Variants in PSMB7 observed in about 807,000 individuals in gnomAD.
The protein encoded by PSMB7 is proteasome 20S subunit beta 7.
In PSMB7, 5 loss-of-function variants were observed where a neutral mutation model predicts 28.1. The ratio of observed to expected loss-of-function variants is 0.18; its 90% confidence interval spans 0.09 to 0.37. The LOEUF is 0.37. Among genes scored for constraint, PSMB7 ranks in the 10% least tolerant of loss-of-function variants. The pLI is 1.00. For synonymous variants in PSMB7, 122 were observed against 123.7 expected (o/e 0.99, Z 0.09); for missense variants, 275 against 346.2 (o/e 0.79, Z 1.63).
chr9:124,401,503 T>C (rs539059945), intron 5 of PSMB7, among the ~76,000 whole-genome samples: 1 of 152,350 alleles, frequency 6.6e-6, no homozygotes, highest in East Asian at 1.9e-4. Flanking sequence ...ATCAGACAAA[T>C]GAATGAAGAG....
chr9:124,369,383 C>T (rs1588570133), intron 6 of PSMB7, among the ~76,000 whole-genome samples: 1 of 152,276 alleles, frequency 6.6e-6, no homozygotes, highest in East Asian at 1.9e-4. Flanking sequence ...TTCCGCCATG[C>T]ACAACACACT....
rs756964411 is a variant in PSMB7, at chr9:124,353,702, G to A, written c.730C>T (p.Arg244Trp). 7.4e-5 allele frequency: 120 copies of A among 1,611,368 alleles called. No individual in the cohort carries two copies. In the Admixed American group the frequency reaches 9.0e-4, roughly 12 times the overall value. Residue 244 changes from arginine to tryptophan, a missense_variant, in exon 8 of 8, where the codon CGG (arginine) becomes TGG (tryptophan). By Grantham distance (101) the Arg-to-Trp change is moderately radical. Around this residue, in one of 2 missense-constraint regions of PSMB7, gnomAD observed 213 missense variants for 302.4 expected, o/e 0.70. Coordinates refer to ENST00000259457, the MANE Select transcript of PSMB7 (RefSeq NM_002799.4). ...GTAGTCCCTTTCTCACACCTGTACC[G>A]GCCAAGCCTAGTAAGAGAAAAACAA... ...VPNKKGTRLG[R>W]YRCEKGTTAV... is the part of the protein sequence containing the mutation.
At chr9:124,383,843 G>C (rs1322877072) in intron 6 of PSMB7, 1 of 152,188 alleles carries the variant, frequency 6.6e-6, no homozygotes, top group Non-Finnish European at 1.5e-5. Flanking sequence ...CCGAATGCTG[G>C]TTTAGCGGCC....
chr9:124,405,230 T>C, intron 5 of PSMB7, 87 bp downstream of exon 5: 2 of 882,856 alleles, frequency 2.3e-6, no homozygotes, highest in South Asian at 3.1e-5. Context: ...TTGCACCTCC[T>C]CTTCTAAGAG....
At chr9:124,383,756 T>A (rs1309398792) in intron 6 of PSMB7, 1 of 152,160 alleles carries the variant, frequency 6.6e-6, no homozygotes, top group Non-Finnish European at 1.5e-5. Flanking sequence ...AAACCACTCA[T>A]AAACTACCTA....
chr9:124,414,511 G>A (rs956673738), intron 2 of PSMB7, among the ~76,000 whole-genome samples: 1 of 151,722 alleles, frequency 6.6e-6, no homozygotes, highest in African/African-American at 2.4e-5. Flanking sequence ...GCACTATAGA[G>A]TTCAAAGGTG....
Position 124,415,401 on chromosome 9 carries a change from G to C in PSMB7, c.25C>G (p.Pro9Ala). 1 of 1,614,130 alleles carries C rather than the reference G, an allele frequency of 6.2e-7. No individual in the cohort carries two copies. The highest frequency in any genetic ancestry group is 8.5e-7 in the Non-Finnish European group (1 of 1,180,014). The change falls in exon 1 of 8, where the codon CCA becomes GCA. Residue 9 changes from proline to alanine, a missense_variant. Coordinates refer to ENST00000259457, the MANE Select transcript of PSMB7 (RefSeq NM_002799.4). ...TCAAAAGAGAAGCCTCCAACTGGTG[G>C]AGCATACACCGACACAGCCGCCATC... MAAVSVYA[P>A]PVGGFSFDNC...
chr9:124,392,534 G>A (rs1830797688), intron 5 of PSMB7, among the ~76,000 whole-genome samples: 1 of 152,166 alleles, frequency 6.6e-6, no homozygotes, highest in Non-Finnish European at 1.5e-5. Context: ...TTCCTCAAAG[G>A]GTGGCTCTGA....
chr9:124,405,178 A>G (rs78939977), intron 5 of PSMB7, 139 bp downstream of exon 5: 6,276 of 603,422 alleles, frequency 0.01, 162 homozygotes, highest in East Asian at 0.052. Context: ...AATCTATAGT[A>G]GGAACTCAGT....
At chr9:124,357,056 A>G in intron 6 of PSMB7, 141 bp from the exon 7 acceptor site, 1 of 983,904 alleles carries the variant, frequency 1.0e-6, no homozygotes. Context: ...AGATGAGGAA[A>G]AGATCTCAAA....
intron 4 of PSMB7, among the ~76,000 whole-genome samples, chr9:124,412,043 T>G (rs1831032516): frequency 2.0e-5 from 3 of 152,138 alleles, no homozygotes; most frequent in Non-Finnish European, 2.9e-5. Flanking sequence ...CAAGACAACT[T>G]GATAGTTCCT....
intron 4 of PSMB7, among the ~76,000 whole-genome samples, chr9:124,409,598 C>G (rs1013730540): frequency 6.6e-6 from 1 of 152,226 alleles, no homozygotes; most frequent in Non-Finnish European, 1.5e-5. Context: ...AAAAGTACAG[C>G]AGTACCAAGA....
intron 5 of PSMB7, among the ~76,000 whole-genome samples, chr9:124,385,313 T>A (rs144552730): frequency 1.3e-5 from 2 of 152,352 alleles, no homozygotes; most frequent in Non-Finnish European, 2.9e-5. Flanking sequence ...AAATTTATTA[T>A]CACAATAGCA....
At chr9:124,410,972 CTTT>C (rs547240004) in intron 4 of PSMB7, among the ~76,000 whole-genome samples, 38 of 147,744 alleles carry the variant, frequency 2.6e-4, no homozygotes, top group African/African-American at 6.9e-4. Context: ...GAAATCTAGA[CTTT>C]TTTTTTTTCT....
At position 124,363,332 on chromosome 9, in the gene PSMB7, G is replaced by A. The variant is rs148589297; in HGVS notation, c.571-6417C>T. ...CTAAGGCTCTGACTCTGCCACTGAT[G>A]TGGCCTGAAGACTCATTAATGGTTG... On this transcript the variant is annotated intron_variant, in intron 6 of 7. Transcript: ENST00000259457. Among the ~76,000 whole-genome samples, 187 of 152,354 alleles carry A rather than the reference G, an allele frequency of 1.2e-3. 1 individual carries two copies. Among genetic ancestry groups the A allele is most frequent in the Non-Finnish European group, 2.5e-3 (171 of 68,036 alleles).
intron 6 of PSMB7, among the ~76,000 whole-genome samples, chr9:124,363,815 G>A (rs1380131791): frequency 2.0e-5 from 3 of 152,238 alleles, no homozygotes; most frequent in South Asian, 2.1e-4. Flanking sequence ...TCATGTTCAC[G>A]AAATTGCCAG....
chr9:124,409,144 CATG>C (rs1830998790), intron 4 of PSMB7, among the ~76,000 whole-genome samples: 1 of 151,910 alleles, frequency 6.6e-6, no homozygotes, highest in Non-Finnish European at 1.5e-5. Context: ...TTGTTTTTAC[CATG>C]AACATGTACT....
At chr9:124,363,973 G>C (rs890429615) in intron 6 of PSMB7, among the ~76,000 whole-genome samples, 8 of 152,140 alleles carry the variant, frequency 5.3e-5, no homozygotes, top group Admixed American at 5.2e-4. Flanking sequence ...GAGCCAAAGA[G>C]TGCCCTTCGT....
Position 124,356,623 on chromosome 9 carries a change from T to G in PSMB7, c.722+141A>C, listed in dbSNP as rs1830410451. 2.1e-6 allele frequency: 2 copies of G among 939,636 alleles called. No individual in the cohort carries two copies. Among genetic ancestry groups the G allele is most frequent in the African/African-American group, 3.3e-5 (2 of 60,428 alleles). 58.2% of individuals were successfully genotyped at this position (939,636 alleles called of 1,614,324 possible). On this transcript the variant is annotated intron_variant, in intron 7 of 7. Transcript: ENST00000259457. This position sits in a 1 kb window ranked among gnomAD's most constrained non-coding sequence, Gnocchi z 4.4. ...CATAAAGCAAGTAACAAGCCGAAGG[T>G]CTGTGTGGGAGGTTGATTTGGGAAC...
Sources: allele counts gnomAD v4.1 joint callset (sites outside exome capture counted in the v4.1 genomes callset), GRCh38; gene constraint gnomAD v4.1.1; regional missense constraint gnomAD v4.1.1; non-coding constraint Gnocchi (gnomAD v3.1); transcripts MANE v1.5; gene names NCBI Gene and HGNC (gene_info 2026-07-23, HGNC 2026-07-21).